The following MYO1E variants were observed in gnomAD, a reference collection of about 807,000 sequenced individuals.
MYO1E encodes the protein unconventional myosin-Ie.
Under a neutral mutation model 151.1 loss-of-function variants are expected in MYO1E, and 68 were observed. That is an observed-to-expected ratio of 0.45 (90% CI 0.37 to 0.55). MYO1E has a LOEUF of 0.55. Ranked by LOEUF, MYO1E falls within the 20% of genes least tolerant of loss-of-function variation. The pLI, the probability that MYO1E is intolerant of heterozygous loss-of-function variation, is 0.00. For missense variants in MYO1E, 1,363 were observed against 1,389.3 expected, an observed-to-expected ratio of 0.98 and a Z score of 0.30; for synonymous variants, 601 against 501.7, an observed-to-expected ratio of 1.20 and a Z score of -2.64.
At chr15:59,356,105 T>TAAA (rs1368693724) in intron 1 of MYO1E, among the ~76,000 whole-genome samples, 1 of 152,214 alleles carries the variant, frequency 6.6e-6, no homozygotes, top group Non-Finnish European at 1.5e-5. Flanking sequence ...AACTACCTTT[T>TAAA]GTTAAACAGT....
At chr15:59,288,034 G>A (rs10851645) in intron 1 of MYO1E, among the ~76,000 whole-genome samples, 76,963 of 152,166 alleles carry the variant, frequency 0.51, 20,974 homozygotes, top group Middle Eastern at 0.67. Flanking sequence ...TTTGAACTGC[G>A]TGGTGCACAG....
chr15:59,180,901 A>C (rs1197037734), intron 18 of MYO1E, among the ~76,000 whole-genome samples: 1 of 152,118 alleles, frequency 6.6e-6, no homozygotes, highest in Non-Finnish European at 1.5e-5. Flanking sequence ...TCAGTTTAAG[A>C]CTCAAATATG....
intron 1 of MYO1E, among the ~76,000 whole-genome samples, chr15:59,316,378 T>G (rs539993451): frequency 4.7e-4 from 72 of 152,214 alleles, no homozygotes; most frequent in African/African-American, 1.7e-3. Context: ...ACAAAGAGAA[T>G]AGGGTCTGCT....
intron 6 of MYO1E, among the ~76,000 whole-genome samples, chr15:59,230,224 T>TGTGTGTGTGTG (rs1555412948): frequency 3.0e-4 from 38 of 127,014 alleles, no homozygotes; most frequent in East Asian, 1.8e-3. Flanking sequence ...CAGTGTGTGT[T>TGTGTGTGTGTG]TGTGTGTGTG....
chr15:59,252,140 CAGTT>C (rs1187690422), intron 4 of MYO1E, among the ~76,000 whole-genome samples: 1 of 152,008 alleles, frequency 6.6e-6, no homozygotes, highest in Non-Finnish European at 1.5e-5. Context: ...TAATTGAAAA[CAGTT>C]AATTTTTCAA....
intron 1 of MYO1E, among the ~76,000 whole-genome samples, chr15:59,369,844 T>C (rs974898211): frequency 5.3e-5 from 8 of 152,134 alleles, no homozygotes; most frequent in South Asian, 2.1e-4. Context: ...CAGGTACAGA[T>C]GGAGAGCCCT....
chr15:59,236,367 TATACACACACACACACACACAC>T (rs1566988352), intron 5 of MYO1E, among the ~76,000 whole-genome samples, 196 bp downstream of exon 5: 43 of 23,608 alleles, frequency 1.8e-3, no homozygotes, highest in Admixed American at 8.6e-3. Flanking sequence ...AAAAAAAATA[TATACACACACACACACACACAC>T]ACACACACAC....
chr15:59,367,460 A>G (rs1169310340), intron 1 of MYO1E, among the ~76,000 whole-genome samples: 9 of 152,228 alleles, frequency 5.9e-5, no homozygotes, highest in African/African-American at 2.2e-4. Flanking sequence ...AGGGTTGAAG[A>G]GAAAAGCTCA....
chr15:59,192,925 A>G (rs1250737839), intron 17 of MYO1E, among the ~76,000 whole-genome samples: 2 of 152,196 alleles, frequency 1.3e-5, no homozygotes, highest in Non-Finnish European at 2.9e-5. Flanking sequence ...GCAGACTGAC[A>G]GCCACTGTCT....
At chr15:59,158,893 T>C (rs2079522932) in intron 24 of MYO1E, among the ~76,000 whole-genome samples, 3 of 152,094 alleles carry the variant, frequency 2.0e-5, no homozygotes, top group African/African-American at 7.2e-5. Context: ...ACTTGTACCC[T>C]TGACACAGAC....
chr15:59,317,086 G>C (rs559792575), intron 1 of MYO1E, among the ~76,000 whole-genome samples: 29 of 152,106 alleles, frequency 1.9e-4, no homozygotes, highest in Non-Finnish European at 3.8e-4. Context: ...TGCCAAAAGG[G>C]GCATGTACAT....
At chr15:59,278,275 A>G (rs1356053235) in intron 1 of MYO1E, among the ~76,000 whole-genome samples, 2 of 152,256 alleles carry the variant, frequency 1.3e-5, no homozygotes, top group Non-Finnish European at 2.9e-5. Context: ...TGTTATAAGT[A>G]GATCACCCTG....
At chr15:59,233,531 G>A (rs1339432449) in intron 5 of MYO1E, among the ~76,000 whole-genome samples, 3 of 151,968 alleles carry the variant, frequency 2.0e-5, no homozygotes, top group Non-Finnish European at 2.9e-5. Context: ...GGGCATAGTG[G>A]TGCACGCCTG....
chr15:59,320,215 A>G (rs2080617190), intron 1 of MYO1E, among the ~76,000 whole-genome samples: 1 of 152,250 alleles, frequency 6.6e-6, no homozygotes, highest in South Asian at 2.1e-4. Flanking sequence ...ATCCATTGGA[A>G]GAATCAATAT....
At chr15:59,369,547 G>A (rs562778620) in intron 1 of MYO1E, among the ~76,000 whole-genome samples, 31 of 152,230 alleles carry the variant, frequency 2.0e-4, no homozygotes, top group African/African-American at 7.0e-4. Context: ...TGGGTATTAC[G>A]GTTAAAGTCA....
intron 1 of MYO1E, among the ~76,000 whole-genome samples, chr15:59,308,054 T>A (rs1438536465): frequency 6.8e-6 from 1 of 147,286 alleles, no homozygotes; most frequent in African/African-American, 2.5e-5. Flanking sequence ...CTGTCTCTAT[T>A]AAAAAACAAA....
chr15:59,241,517 A>G (rs898753093), intron 4 of MYO1E, among the ~76,000 whole-genome samples: 3 of 152,154 alleles, frequency 2.0e-5, no homozygotes, highest in Admixed American at 6.5e-5. Context: ...CCTGGCCGAC[A>G]TGGTAAAACC....
chr15:59,227,496 C>A lies in MYO1E; in HGVS notation c.605G>T (p.Arg202Met). Reference sequence around the variant, plus strand: ...GTGAAAACTCCGCTCTCCTGGGTTCCTCATCACCACCCTAGATTTTTCCAG... The same window carrying A: ...GTGAAAACTCCGCTCTCCTGGGTTCATCATCACCACCCTAGATTTTTCCAG... ...FLLEKSRVVM[R>M]NPGERSFHIF... is the part of the protein sequence containing the mutation. The change falls in exon 7 of 28, where the codon AGG becomes ATG. Residue 202 changes from arginine to methionine, a missense_variant. Physicochemically the swap from Arg to Met is moderately conservative, Grantham distance 91 (BLOSUM62 -1). Coordinates refer to ENST00000288235, the MANE Select transcript of MYO1E (RefSeq NM_004998.4). 6.2e-7 allele frequency: 1 copy of A among 1,614,148 alleles called. No homozygotes were observed. Among genetic ancestry groups the A allele is most frequent in the East Asian group, 2.2e-5 (1 of 44,874 alleles).
chr15:59,357,186 G>A (rs1056656261), intron 1 of MYO1E, among the ~76,000 whole-genome samples: 5 of 151,998 alleles, frequency 3.3e-5, no homozygotes, highest in African/African-American at 4.8e-5. Flanking sequence ...GATTACAGGT[G>A]TGAGCCACCG....
Sources: gnomAD v4.1 joint callset for allele counts (sites outside exome capture counted in the v4.1 genomes callset) on GRCh38, gnomAD v4.1.1 for gene constraint, MANE v1.5 for transcripts, NCBI Gene and HGNC (gene_info 2026-07-23, HGNC 2026-07-21) for gene names.